Variants in ZNF521 observed in about 807,000 individuals in gnomAD.
ZNF521 encodes LYST-interacting protein 3.
ZNF521 carries 14 observed loss-of-function variants against 105.5 expected under a neutral mutation model. The ratio of observed to expected loss-of-function variants is 0.13; its 90% CI spans 0.09 to 0.21. ZNF521 has a LOEUF of 0.21. ZNF521 is among the 10% of genes least tolerant of loss of function. ZNF521 has a pLI of 1.00. For missense variants in ZNF521, 1,233 were observed against 1,629.7 expected (o/e 0.76, Z 4.19); for synonymous variants, 635 against 606.0 (o/e 1.05, Z -0.70).
rs150208540 is a variant in ZNF521, at chr18:25,244,640, C to T, written c.221-16943G>A. Reference sequence around the variant, plus strand: ...TCATCTAAACAGTGCTTACAACTTACTGTTGTTCCAGCGGTCTCTAACACA... The same window carrying T: ...TCATCTAAACAGTGCTTACAACTTATTGTTGTTCCAGCGGTCTCTAACACA... On this transcript the variant is annotated intron_variant, in intron 3 of 7. Coordinates refer to ENST00000361524, the MANE Select transcript of ZNF521 (RefSeq NM_015461.3). 1.0e-3 allele frequency among the ~76,000 whole-genome samples: 154 copies of T among 152,368 alleles called. 1 individual carries two copies. The highest frequency in any genetic ancestry group is 3.5e-3 in the African/African-American group (147 of 41,588).
At chr18:25,266,594 G>A (rs1442864186) in intron 3 of ZNF521, among the ~76,000 whole-genome samples, 7 of 152,132 alleles carry the variant, frequency 4.6e-5, no homozygotes, top group South Asian at 2.1e-4. Context: ...TGCAGCCGAC[G>A]GAGGGCAAGC....
At chr18:25,194,269 T>C (rs1280371265) in intron 5 of ZNF521, among the ~76,000 whole-genome samples, 2 of 151,566 alleles carry the variant, frequency 1.3e-5, no homozygotes, top group East Asian at 3.9e-4. Context: ...ATGAAGTGAG[T>C]ATGAAATAGA....
At chr18:25,076,123 A>G (rs768959092) in intron 7 of ZNF521, among the ~76,000 whole-genome samples, 100 of 152,278 alleles carry the variant, frequency 6.6e-4, no homozygotes, top group Non-Finnish European at 1.3e-3. Flanking sequence ...GTTTCTCATC[A>G]CCTTAGTGGG....
At chr18:25,139,109 G>A (rs1051912181) in intron 5 of ZNF521, among the ~76,000 whole-genome samples, 3 of 152,054 alleles carry the variant, frequency 2.0e-5, no homozygotes, top group Admixed American at 2.0e-4. Flanking sequence ...GGTGGCTCAC[G>A]CCTGTAATCC....
At chr18:25,109,396 G>A (rs962963482) in intron 5 of ZNF521, among the ~76,000 whole-genome samples, 2 of 152,170 alleles carry the variant, frequency 1.3e-5, no homozygotes, top group Admixed American at 6.5e-5. Flanking sequence ...TTGCCACTGT[G>A]ACTAGTGCTG....
chr18:25,237,336 C>T lies in ZNF521; in HGVS notation c.221-9639G>A, dbSNP rs1180819551. Among the ~76,000 whole-genome samples the T allele has an allele frequency of 2.0e-5, 3 of 152,224 alleles. No homozygotes were observed. In the East Asian group the frequency reaches 5.8e-4, roughly 29 times the overall value. ...CACTTAATAGGACTAAATATCTGTA[C>T]AATCATGTCTTAATGAAATATGTCT... is the stretch of plus-strand genomic sequence containing the variant. On this transcript the variant is annotated intron_variant, in intron 3 of 7. Transcript: ENST00000361524.
chr18:25,242,844 CA>C (rs1907437771), intron 3 of ZNF521, among the ~76,000 whole-genome samples: 1 of 152,158 alleles, frequency 6.6e-6, no homozygotes, highest in South Asian at 2.1e-4. Flanking sequence ...AATGTCAAAG[CA>C]GGCTACAACT....
In ZNF521 at chr18:25,064,892, C is replaced by T. The variant is rs530699804; in HGVS notation, c.3907-2151G>A. 2.6e-5 allele frequency among the ~76,000 whole-genome samples: 4 copies of T among 152,258 alleles called. No homozygotes were observed. In the South Asian group the frequency reaches 8.3e-4, roughly 32 times the overall value. On this transcript the variant is annotated intron_variant, in intron 7 of 7. Coordinates refer to ENST00000361524, the MANE Select transcript of ZNF521 (RefSeq NM_015461.3). ...TATTTAAAACATATCTTAATAGTCC[C>T]AGCCTCAGAGTGAATACAGGAAATA...
At chr18:25,303,156 GCAGAGCACCAAGAAAAAA>G (rs1568066316) in intron 3 of ZNF521, among the ~76,000 whole-genome samples, 3 of 152,112 alleles carry the variant, frequency 2.0e-5, no homozygotes, top group Admixed American at 1.3e-4. Context: ...GTGCTAGGAA[GCAGAGCACCAAGAAAAAA>G]GTCTTGGTGC....
At chr18:25,242,275 G>T (rs1907393608) in intron 3 of ZNF521, among the ~76,000 whole-genome samples, 1 of 152,108 alleles carries the variant, frequency 6.6e-6, no homozygotes, top group South Asian at 2.1e-4. Flanking sequence ...TTCTGAGCAG[G>T]TTCTTTCAAC....
At position 25,062,652 on chromosome 18, in the gene ZNF521, G is replaced by A; in HGVS notation, c.*60C>T. 6.6e-7 allele frequency: 1 copy of A among 1,512,704 alleles called. No homozygotes were observed. The highest frequency in any genetic ancestry group is 8.9e-7 in the Non-Finnish European group (1 of 1,126,784). 93.7% of individuals were successfully genotyped at this position (1,512,704 alleles called of 1,614,324 possible). On this transcript the variant is annotated 3_prime_UTR_variant, in exon 8 of 8. Transcript: ENST00000361524. ...TAACAATGAAAGTTTCGTGCAAAGA[G>A]TAAAACATGTTCCCTTTTTGTGCCA...
chr18:25,240,327 C>T (rs1386019205), intron 3 of ZNF521, among the ~76,000 whole-genome samples: 1 of 152,052 alleles, frequency 6.6e-6, no homozygotes, highest in Non-Finnish European at 1.5e-5. Flanking sequence ...GGTGACTTAT[C>T]CATGATCTCA....
chr18:25,266,815 A>G (rs1909290896), intron 3 of ZNF521, among the ~76,000 whole-genome samples: 1 of 152,186 alleles, frequency 6.6e-6, no homozygotes, highest in African/African-American at 2.4e-5. Flanking sequence ...TTTCAAGCAC[A>G]AAACTGGGCA....
At chr18:25,109,342 T>C (rs1344937252) in intron 5 of ZNF521, among the ~76,000 whole-genome samples, 1 of 152,220 alleles carries the variant, frequency 6.6e-6, no homozygotes, top group Non-Finnish European at 1.5e-5. Flanking sequence ...TCATTTTCTT[T>C]ATCCAATCAT....
At chr18:25,116,735 T>C (rs939378904) in intron 5 of ZNF521, among the ~76,000 whole-genome samples, 2 of 151,690 alleles carry the variant, frequency 1.3e-5, no homozygotes, top group African/African-American at 4.8e-5. Context: ...AAAAAAAACA[T>C]ATTTTATACG....
Position 25,185,530 on chromosome 18 carries a change from G to A in ZNF521, c.3658+9630C>T, listed in dbSNP as rs2035706372. On this transcript the variant is annotated intron_variant, in intron 5 of 7. Coordinates refer to ENST00000361524, the MANE Select transcript of ZNF521 (RefSeq NM_015461.3). ...TAAAAAGAATAATCTGGTGCAAATG[G>A]ACCCCAAGGTGTAGTTGTCATCCCT... is the stretch of plus-strand genomic sequence containing the variant. 2.6e-5 allele frequency among the ~76,000 whole-genome samples: 4 copies of A among 152,222 alleles called. No homozygotes were observed. The South Asian group carries it at 8.3e-4, about 32-fold the overall frequency.
intron 5 of ZNF521, among the ~76,000 whole-genome samples, chr18:25,116,636 C>T (rs1361833318): frequency 6.6e-6 from 1 of 151,774 alleles, no homozygotes; most frequent in Non-Finnish European, 1.5e-5. Context: ...AACCTGAAGG[C>T]ATTAGCATGT....
chr18:25,242,714 T>G (rs1248777384), intron 3 of ZNF521, among the ~76,000 whole-genome samples: 2 of 152,168 alleles, frequency 1.3e-5, no homozygotes, highest in Non-Finnish European at 2.9e-5. Flanking sequence ...CTATCGAATG[T>G]AGTGGGTGAT....
intron 4 of ZNF521, among the ~76,000 whole-genome samples, chr18:25,196,930 CTT>C (rs2035911837): frequency 6.6e-6 from 1 of 151,768 alleles, no homozygotes. Context: ...AGTCTTTTCT[CTT>C]GTTAGCACAG....
Sources: gnomAD v4.1 joint callset for allele counts (sites outside exome capture counted in the v4.1 genomes callset) on GRCh38, gnomAD v4.1.1 for gene constraint, MANE v1.5 for transcripts, NCBI Gene and HGNC (gene_info 2026-07-23, HGNC 2026-07-21) for gene names.